The following MAP7 variants were observed in gnomAD, a reference collection of about 807,000 sequenced individuals.
The protein encoded by MAP7 is ensconsin.
A neutral mutation model predicts 94.8 loss-of-function variants in MAP7; 52 were observed. That is an observed-to-expected ratio of 0.55 (90% confidence interval 0.44 to 0.69). The LOEUF (loss-of-function observed/expected upper bound fraction) is 0.69. Ranked by LOEUF, MAP7 falls within the 30% of genes least tolerant of loss-of-function variation. The pLI, the probability that MAP7 is intolerant of heterozygous loss-of-function variation, is 0.00. For synonymous variants in MAP7, 350 were observed against 357.0 expected, an observed-to-expected ratio of 0.98 and a Z score of 0.22; for missense variants, 940 against 964.6, an observed-to-expected ratio of 0.97 and a Z score of 0.34.
intron 1 of MAP7, among the ~76,000 whole-genome samples, chr6:136,528,403 C>A (rs1429382685): frequency 6.6e-6 from 1 of 152,098 alleles, no homozygotes; most frequent in Admixed American, 6.5e-5. Context: ...ATCAGATGAT[C>A]AATAAACACA....
intron 8 of MAP7, among the ~76,000 whole-genome samples, chr6:136,369,390 A>T (rs537178504): frequency 1.3e-5 from 2 of 152,314 alleles, no homozygotes; most frequent in South Asian, 2.1e-4. Flanking sequence ...CCTGGCCTAC[A>T]TGGCGAAACC....
chr6:136,420,804 C>T (rs978449575), intron 2 of MAP7, among the ~76,000 whole-genome samples: 1 of 96,232 alleles, frequency 1.0e-5, no homozygotes, highest in African/African-American at 4.0e-5. Flanking sequence ...GTGTTCAAGA[C>T]CTTTTCCACA....
intron 1 of MAP7, among the ~76,000 whole-genome samples, chr6:136,452,691 T>C (rs537175006): frequency 2.6e-5 from 4 of 152,246 alleles, no homozygotes; most frequent in Non-Finnish European, 5.9e-5. Flanking sequence ...TAGCTATGAT[T>C]ACAGGTGCAC....
chr6:136,480,951 G>A (rs142405115), intron 1 of MAP7, among the ~76,000 whole-genome samples: 3 of 152,116 alleles, frequency 2.0e-5, no homozygotes, highest in Non-Finnish European at 2.9e-5. Flanking sequence ...ATTTTGAAAC[G>A]GGCAAAAGGT....
intron 16 of MAP7, 90 bp from the exon 17 acceptor site, chr6:136,346,169 T>C: frequency 1.4e-6 from 1 of 707,468 alleles, no homozygotes; most frequent in Non-Finnish European, 2.3e-6. Flanking sequence ...TTATAATGAA[T>C]AATTTTATAA....
intron 3 of MAP7, among the ~76,000 whole-genome samples, chr6:136,394,229 C>T (rs1781648408): frequency 6.6e-6 from 1 of 152,054 alleles, no homozygotes; most frequent in South Asian, 2.1e-4. Context: ...GTGATCCACC[C>T]ACCTCGGCCT....
At position 136,389,474 on chromosome 6, in the gene MAP7, C is replaced by T. The variant is rs140788014; in HGVS notation, c.288G>A (p.Arg96=). The part of the protein sequence containing the change: ...IVWLEREERA[R]QHYEKHLEER... ...CTTCCAGGTGCTTCTCGTAGTGCTG[C>T]CTGGCTCGCTCTTCTCTTTCTAACC... is the stretch of plus-strand genomic sequence containing the variant. The change falls in exon 4 of 18, where the codon AGG becomes AGA. Residue 96 remains arginine, a synonymous_variant. Transcript: ENST00000354570. 2.1e-4 allele frequency: 343 copies of T among 1,610,844 alleles called. 1 individual carries two copies. The highest frequency in any genetic ancestry group is 2.8e-4 in the Non-Finnish European group (329 of 1,179,180).
intron 1 of MAP7, among the ~76,000 whole-genome samples, chr6:136,424,474 G>C (rs1336629933): frequency 2.0e-5 from 3 of 152,152 alleles, no homozygotes; most frequent in Non-Finnish European, 4.4e-5. Context: ...AAAGACAAGA[G>C]GAAGGATACA....
intron 1 of MAP7, among the ~76,000 whole-genome samples, chr6:136,506,174 G>A (rs539485079): frequency 7.2e-5 from 11 of 152,176 alleles, no homozygotes; most frequent in Admixed American, 2.0e-4. Context: ...AACACATCTT[G>A]CCACTGATAT....
intron 10 of MAP7, 47 bp downstream of exon 10, chr6:136,365,688 G>A (rs556179347): frequency 1.8e-5 from 29 of 1,582,434 alleles, no homozygotes; most frequent in African/African-American, 1.4e-4. Context: ...AAAACAGTGC[G>A]GGAGAAAAAG....
At chr6:136,428,215 T>C (rs1793796227) in intron 1 of MAP7, among the ~76,000 whole-genome samples, 1 of 152,132 alleles carries the variant, frequency 6.6e-6, no homozygotes, top group South Asian at 2.1e-4. Context: ...TACATGAGAT[T>C]ATAAAAAATA....
At chr6:136,544,671 C>A (rs896315426) in intron 1 of MAP7, among the ~76,000 whole-genome samples, 2 of 152,196 alleles carry the variant, frequency 1.3e-5, no homozygotes, top group African/African-American at 4.8e-5. Flanking sequence ...ATCCCAGAGT[C>A]CTGACCTCTA....
chr6:136,345,705 T>C (rs1193648144), intron 17 of MAP7, 151 bp downstream of exon 17: 1 of 736,764 alleles, frequency 1.4e-6, no homozygotes, highest in Non-Finnish European at 2.4e-6. Flanking sequence ...TCAATTTCTA[T>C]GAGCCAGGCA....
intron 3 of MAP7, among the ~76,000 whole-genome samples, chr6:136,392,244 AT>A (rs1200163053): frequency 6.6e-6 from 1 of 151,846 alleles, no homozygotes; most frequent in Non-Finnish European, 1.5e-5. Context: ...TGCCCGGCTA[AT>A]TTTTTGTATT....
intron 5 of MAP7, 101 bp downstream of exon 5, chr6:136,388,292 G>T: frequency 1.2e-6 from 1 of 809,652 alleles, no homozygotes; most frequent in Non-Finnish European, 2.0e-6. Flanking sequence ...AATTATTTCA[G>T]CAGGATTTTT....
Position 136,361,240 on chromosome 6 carries a change from G to A in MAP7, c.1527-61C>T, listed in dbSNP as rs2128564121. The stretch of plus-strand genomic sequence containing the variant: ...ACCTGAGGAGAAATCTTTGAAGAGA[G>A]GCCTCCGTCGGTGGTTCTGTAGGGC... On this transcript the variant is annotated intron_variant, in intron 11 of 17. Coordinates refer to ENST00000354570, the MANE Select transcript of MAP7 (RefSeq NM_003980.6). 2.6e-6 allele frequency: 4 copies of A among 1,565,694 alleles called. No individual in the cohort carries two copies. In the South Asian group the frequency reaches 3.4e-5, roughly 13 times the overall value.
At chr6:136,404,934 T>C (rs970962400) in intron 3 of MAP7, among the ~76,000 whole-genome samples, 37 of 152,334 alleles carry the variant, frequency 2.4e-4, no homozygotes, top group Non-Finnish European at 4.9e-4. Context: ...TCCTAATAGA[T>C]TATCCATAGA....
At chr6:136,407,174 A>T (rs1057227813) in intron 3 of MAP7, among the ~76,000 whole-genome samples, 2 of 152,128 alleles carry the variant, frequency 1.3e-5, no homozygotes, top group African/African-American at 2.4e-5. Flanking sequence ...AAGCAAAATC[A>T]GCAAATATTT....
chr6:136,521,005 A>G (rs1009592548), intron 1 of MAP7, among the ~76,000 whole-genome samples: 2 of 152,190 alleles, frequency 1.3e-5, no homozygotes, highest in Non-Finnish European at 2.9e-5. Context: ...TAATGTAGAT[A>G]ACTGAGGCAG....
Sources: allele counts gnomAD v4.1 joint callset (sites outside exome capture counted in the v4.1 genomes callset), GRCh38; gene constraint gnomAD v4.1.1; transcripts MANE v1.5; gene names NCBI Gene and HGNC (gene_info 2026-07-23, HGNC 2026-07-21).